Variants in IFNAR2 observed in about 807,000 individuals in gnomAD.
IFNAR2 encodes the protein interferon alpha and beta receptor subunit 2, also known as interferon alpha/beta receptor 2.
Under a neutral mutation model 49.4 loss-of-function variants are expected in IFNAR2, and 30 were observed. The observed-to-expected ratio is 0.61, with a 90% CI of 0.45 to 0.82. The LOEUF (loss-of-function observed/expected upper bound fraction) is 0.82, where lower values mean the gene tolerates loss of function less well. IFNAR2 is among the 40% of genes least tolerant of loss of function. The pLI is 0.00. For synonymous variants in IFNAR2, 224 were observed against 234.5 expected (o/e 0.96, Z 0.41); for missense variants, 600 against 622.7 (o/e 0.96, Z 0.39).
At chr21:33,240,243 T>C (rs924959713) in intron 1 of IFNAR2, among the ~76,000 whole-genome samples, 4 of 152,260 alleles carry the variant, frequency 2.6e-5, no homozygotes, top group African/African-American at 4.8e-5. Flanking sequence ...ATATTTCTAC[T>C]GTACCTTTTC....
chr21:33,247,709 G>A (rs1410474084), intron 5 of IFNAR2, among the ~76,000 whole-genome samples: 1 of 152,162 alleles, frequency 6.6e-6, no homozygotes, highest in African/African-American at 2.4e-5. Flanking sequence ...TGTGACTCAA[G>A]TCAGTTCCCT....
chr21:33,252,132 A>G (rs1424386887), intron 6 of IFNAR2: 1 of 462,178 alleles, frequency 2.2e-6, no homozygotes, highest in South Asian at 1.6e-5. Context: ...CTGTCTATTG[A>G]TAAAGGGAGA....
chr21:33,257,263 G>C (rs1431615859), intron 7 of IFNAR2, among the ~76,000 whole-genome samples: 1 of 152,274 alleles, frequency 6.6e-6, no homozygotes, highest in Non-Finnish European at 1.5e-5. Context: ...TCGTGGTCTC[G>C]CTGACTTCAA....
At chr21:33,238,072 G>A (rs559817627) in intron 1 of IFNAR2, among the ~76,000 whole-genome samples, 13 of 152,092 alleles carry the variant, frequency 8.5e-5, no homozygotes, top group African/African-American at 2.2e-4. Context: ...ATCTTCCTGC[G>A]TATCATCAAA....
Position 33,231,764 on chromosome 21 carries a change from CAA to C in IFNAR2, c.-84+1550_-84+1551del, listed in dbSNP as rs749229285. On this transcript the variant is annotated intron_variant, in intron 1 of 8. Transcript: ENST00000342136. ...TGGTTTGGTTTGGTTTGGTTTTTGA[CAA>C]AGTCTCGCTCTGTCGCGCAGGCTGG... is the stretch of plus-strand genomic sequence containing the variant. The C allele has an allele frequency of 1.3e-4, 109 of 842,912 alleles. No individual in the cohort carries two copies. In the South Asian group the frequency reaches 1.6e-3, roughly 12 times the overall value. The allele number at this position is 842,912 out of a possible 1,614,324, so 52.2% of individuals were successfully genotyped here.
Position 33,263,798 on chromosome 21 carries a change from GT to G in IFNAR2, c.*300del, listed in dbSNP as rs1988801535. 2.9e-6 allele frequency: 1 copy of G among 342,346 alleles called. No individual in the cohort carries two copies. The highest frequency in any genetic ancestry group is 2.1e-5 in the African/African-American group (1 of 47,338). The allele number at this position is 342,346 out of a possible 1,614,324, so 21.2% of individuals were successfully genotyped here. On this transcript the variant is annotated 3_prime_UTR_variant, in exon 9 of 9. Coordinates refer to ENST00000342136, the MANE Select transcript of IFNAR2 (RefSeq NM_001289125.3). ...TGCATCATGTCTACCAGGGAGCAGG[GT>G]TCCCCACAGTTTCAGAGGTGGTCCA...
At position 33,230,066 on chromosome 21, in the gene IFNAR2, G is replaced by A. The variant is rs1229524245; in HGVS notation, c.-234G>A. The A allele has an allele frequency of 2.0e-6, 2 of 986,448 alleles. No individual in the cohort carries two copies. The highest frequency in any genetic ancestry group is 1.7e-5 in the African/African-American group (1 of 57,166). 61.1% of individuals were successfully genotyped at this position (986,448 alleles called of 1,614,324 possible). On this transcript the variant is annotated 5_prime_UTR_variant, in exon 1 of 9. Transcript: ENST00000342136. This position sits in a 1 kb window ranked among gnomAD's most constrained non-coding sequence, Gnocchi z 5.5. ...GCAGCCCGCGGACCACCACCCGGCC[G>A]CACGGGCCGCTTTTGTCCCCCGCCC...
intron 1 of IFNAR2, among the ~76,000 whole-genome samples, chr21:33,240,671 C>T (rs576215906): frequency 1.2e-4 from 19 of 152,054 alleles, no homozygotes; most frequent in African/African-American, 3.6e-4. Flanking sequence ...TTTAATTAGC[C>T]GGTGTGTGAT....
chr21:33,246,840 G>A lies in IFNAR2; in HGVS notation c.344G>A (p.Gly115Glu), dbSNP rs949575492. 1 of 1,614,060 alleles carries A rather than the reference G, an allele frequency of 6.2e-7. No homozygotes were observed. The highest frequency in any genetic ancestry group is 1.3e-5 in the African/African-American group (1 of 74,936). The change falls in exon 5 of 9, where the codon GGG (glycine) becomes GAG (glutamate). Residue 115 changes from glycine to glutamate, a missense_variant. Physicochemically the swap from Gly to Glu is moderately conservative, Grantham distance 98 (BLOSUM62 -2). Transcript: ENST00000342136. Reference sequence around the variant, plus strand: ...GTCACCGTCCTAGAAGGATTCAGCGGGAACACAACGTTGTTCAGTTGCTCA... The same window carrying A: ...GTCACCGTCCTAGAAGGATTCAGCGAGAACACAACGTTGTTCAGTTGCTCA... Reference protein sequence around the residue: ...AYVTVLEGFSGNTTLFSCSHN... With the variant: ...AYVTVLEGFSENTTLFSCSHN...
chr21:33,238,093 TATC>T (rs1177919942), intron 1 of IFNAR2, among the ~76,000 whole-genome samples: 8 of 152,132 alleles, frequency 5.3e-5, no homozygotes, highest in Admixed American at 1.3e-4. Flanking sequence ...TGCTTCAACT[TATC>T]ATCAAACATC....
Position 33,237,078 on chromosome 21 carries a change from G to GGTGGGTGTGTGTGTGTGTGTGT in IFNAR2, c.-83-4759_-83-4758insGGTGTGTGTGTGTGTGTGTGTG, listed in dbSNP as rs57276350. 3.0e-3 allele frequency among the ~76,000 whole-genome samples: 445 copies of GGTGGGTGTGTGTGTGTGTGTGT among 147,692 alleles called. 5 individuals are homozygous for GGTGGGTGTGTGTGTGTGTGTGT. The highest frequency in any genetic ancestry group is 6.4e-3 in the African/African-American group (258 of 40,006). ...CCCCTGGCCCAGAGGGGGAGAATGG[G>GGTGGGTGTGTGTGTGTGTGTGT]GTGTGTGTGTGTGTGTGTGTGTGTG... On this transcript the variant is annotated intron_variant, in intron 1 of 8. Coordinates refer to ENST00000342136, the MANE Select transcript of IFNAR2 (RefSeq NM_001289125.3).
chr21:33,254,723 C>G (rs778119768), intron 7 of IFNAR2, among the ~76,000 whole-genome samples: 1 of 152,156 alleles, frequency 6.6e-6, no homozygotes, highest in Admixed American at 6.6e-5. Context: ...GAAGCCCCCC[C>G]ACTTCGAATT....
intron 6 of IFNAR2, among the ~76,000 whole-genome samples, chr21:33,249,379 CACA>C (rs1351698422): frequency 1.3e-5 from 2 of 149,384 alleles, no homozygotes; most frequent in Non-Finnish European, 3.0e-5. Flanking sequence ...AAGCCACATG[CACA>C]ACATCAAGGA....
intron 7 of IFNAR2, among the ~76,000 whole-genome samples, chr21:33,253,355 G>A (rs1480246408): frequency 1.3e-5 from 2 of 152,166 alleles, no homozygotes; most frequent in Non-Finnish European, 2.9e-5. Context: ...ACAATAAACA[G>A]TGTGATCCCA....
At chr21:33,239,523 T>C (rs926891745) in intron 1 of IFNAR2, among the ~76,000 whole-genome samples, 1 of 151,744 alleles carries the variant, frequency 6.6e-6, no homozygotes, top group Non-Finnish European at 1.5e-5. Flanking sequence ...TGTTGTGAGC[T>C]GCAGGTTCTG....
intron 7 of IFNAR2, among the ~76,000 whole-genome samples, chr21:33,256,462 T>C (rs1988214469): frequency 1.3e-5 from 2 of 152,224 alleles, no homozygotes; most frequent in African/African-American, 2.4e-5. Flanking sequence ...CCAGCCAAAC[T>C]CAGAAACCAG....
At chr21:33,237,247 C>G (rs1007338681) in intron 1 of IFNAR2, among the ~76,000 whole-genome samples, 3 of 151,918 alleles carry the variant, frequency 2.0e-5, no homozygotes, top group Non-Finnish European at 4.4e-5. Flanking sequence ...AAGGGGTTGC[C>G]CTGGCTGGGC....
chr21:33,230,174 G>T lies in IFNAR2; in HGVS notation c.-126G>T. The stretch of plus-strand genomic sequence containing the variant: ...CCAGAGCCGGGCGCGGCTGGGGCCC[G>T]AGGCTAGCATCTCTCGGGAGCCGCA... On this transcript the variant is annotated 5_prime_UTR_variant, in exon 1 of 9. Transcript: ENST00000342136. This position sits in a 1 kb window ranked among gnomAD's most constrained non-coding sequence, Gnocchi z 5.5. 2 of 1,004,688 alleles carry T rather than the reference G, an allele frequency of 2.0e-6. No individual in the cohort carries two copies. Among genetic ancestry groups the T allele is most frequent in the Non-Finnish European group, 2.4e-6 (2 of 840,194 alleles). 62.2% of individuals were successfully genotyped at this position (1,004,688 alleles called of 1,614,324 possible).
chr21:33,262,437 A>T, intron 8 of IFNAR2: 1 of 585,172 alleles, frequency 1.7e-6, no homozygotes, highest in Non-Finnish European at 3.0e-6. Flanking sequence ...ATTATATATA[A>T]AGCACCAAGA....
Sources: gnomAD v4.1 joint callset for allele counts (sites outside exome capture counted in the v4.1 genomes callset) on GRCh38, gnomAD v4.1.1 for gene constraint, Gnocchi (gnomAD v3.1) non-coding constraint, MANE v1.5 for transcripts, NCBI Gene and HGNC (gene_info 2026-07-23, HGNC 2026-07-21) for gene names.